Variants in LUC7L observed in about 807,000 individuals in gnomAD.
LUC7L encodes putative RNA-binding protein Luc7-like 1.
LUC7L carries 29 observed loss-of-function variants against 51.1 expected under a neutral mutation model. The ratio of observed to expected loss-of-function variants is 0.57; its 90% CI spans 0.42 to 0.77. LUC7L has a LOEUF of 0.77. Ranked by LOEUF, LUC7L falls within the 30% of genes least tolerant of loss-of-function variation. The pLI is 0.00. For synonymous variants in LUC7L, 181 were observed against 180.7 expected, an observed-to-expected ratio of 1.00 and a Z score of -0.01; for missense variants, 403 against 511.9, an observed-to-expected ratio of 0.79 and a Z score of 2.05.
At chr16:205,915 G>A in intron 5 of LUC7L, 89 bp downstream of exon 5, 2 of 1,455,548 alleles carry the variant, frequency 1.4e-6, no homozygotes, top group Non-Finnish European at 1.9e-6. Flanking sequence ...TTTAAAAAAT[G>A]GGAGCAAGCA....
intron 2 of LUC7L, 43 bp downstream of exon 2, chr16:227,199 C>T (rs1353820556): frequency 1.3e-6 from 2 of 1,522,692 alleles, no homozygotes; most frequent in African/African-American, 1.4e-5. Flanking sequence ...CTATACAGCA[C>T]TCATGTCAGA....
chr16:189,317 T>C lies in LUC7L; in HGVS notation c.997A>G (p.Arg333Gly). The C allele has an allele frequency of 1.2e-6, 2 of 1,612,218 alleles. No individual in the cohort carries two copies. The highest frequency in any genetic ancestry group is 8.5e-7 in the Non-Finnish European group (1 of 1,179,548). ...CGCCCGCTCTCCCAGGACTCCTCTC[T>C]GGATGCCCGCTCTCTGGAGAACCTG... ...KYKFSRERAS[R>G]EESWESGRSE... The change falls in exon 10 of 10, where the codon AGA (arginine) becomes GGA (glycine). Residue 333 changes from arginine (R) to glycine (G), a missense_variant. Physicochemically the swap from Arg to Gly is moderately radical, Grantham distance 125 (BLOSUM62 -2). This residue lies in a region of LUC7L where 206 missense variants were observed against 218.3 expected (regional missense o/e 0.94). Transcript: ENST00000293872.
chr16:195,155 C>T (rs960952296), intron 6 of LUC7L, among the ~76,000 whole-genome samples: 2 of 151,916 alleles, frequency 1.3e-5, no homozygotes, highest in Non-Finnish European at 2.9e-5. Context: ...AAGCCAGGTA[C>T]GGTGGCTCAT....
chr16:228,307 C>G, intron 1 of LUC7L: 1 of 1,303,708 alleles, frequency 7.7e-7, no homozygotes, highest in Non-Finnish European at 1.0e-6. Context: ...TTTGTTATAA[C>G]AGCTTAGAAA....
chr16:215,576 T>C (rs1294000801), intron 3 of LUC7L, among the ~76,000 whole-genome samples: 3 of 146,616 alleles, frequency 2.0e-5, no homozygotes, highest in African/African-American at 7.6e-5. Flanking sequence ...GCCGAGATCA[T>C]CGCGCCATTG....
At chr16:201,597 G>A (rs1007964583) in intron 5 of LUC7L, among the ~76,000 whole-genome samples, 16 of 151,976 alleles carry the variant, frequency 1.1e-4, no homozygotes, top group African/African-American at 3.4e-4. Context: ...ACGCCGCCAC[G>A]CCCGGCCAAT....
At chr16:199,336 G>T in intron 5 of LUC7L, 98 bp from the exon 6 acceptor site, 1 of 749,952 alleles carries the variant, frequency 1.3e-6, no homozygotes, top group Non-Finnish European at 2.1e-6. Flanking sequence ...TGACAGAGGT[G>T]ACTTTTAAAC....
intron 3 of LUC7L, among the ~76,000 whole-genome samples, chr16:212,818 C>T (rs1596651657): frequency 6.6e-6 from 1 of 151,648 alleles, no homozygotes; most frequent in African/African-American, 2.4e-5. Context: ...TGCTCTGTCA[C>T]CCAGGCTAGA....
At position 201,736 on chromosome 16, in the gene LUC7L, GCTTT is replaced by G. The variant is rs1343297944; in HGVS notation, c.511-2502_511-2499del. On this transcript the variant is annotated intron_variant, in intron 5 of 9. Coordinates refer to ENST00000293872, the MANE Select transcript of LUC7L (RefSeq NM_201412.3). ...TTACAGGCGTGAGCCACCGCACCAG[GCTTT>G]TTTTTTTTTTTTTTTTTTTTTGAGA... is the stretch of plus-strand genomic sequence containing the variant. Among the ~76,000 whole-genome samples, 963 of 129,868 alleles carry G rather than the reference GCTTT, an allele frequency of 7.4e-3. 14 individuals are homozygous for G. Among genetic ancestry groups the G allele is most frequent in the African/African-American group, 0.028 (925 of 33,102 alleles). The allele number at this position is 129,868 out of a possible 152,430, so 85.2% of individuals were successfully genotyped here. A position where few individuals can be genotyped will look rare whatever the true frequency, so the allele number is the denominator to read the frequency against.
chr16:219,193 AG>A (rs1167582592), intron 3 of LUC7L, among the ~76,000 whole-genome samples: 1 of 151,950 alleles, frequency 6.6e-6, no homozygotes, highest in Non-Finnish European at 1.5e-5. Context: ...GATCGAGACC[AG>A]CCTGGCCAAC....
At chr16:213,576 T>C (rs552323340) in intron 3 of LUC7L, among the ~76,000 whole-genome samples, 2 of 152,124 alleles carry the variant, frequency 1.3e-5, no homozygotes, top group East Asian at 1.9e-4. Context: ...ATTTTATTTC[T>C]GTATTTTTAT....
At chr16:190,695 C>T (rs1234560720) in intron 7 of LUC7L, 125 bp from the exon 8 acceptor site, 12 of 816,484 alleles carry the variant, frequency 1.5e-5, no homozygotes, top group Admixed American at 4.2e-5. Flanking sequence ...GCCTGGACAA[C>T]GTGGTGAAAC....
intron 2 of LUC7L, among the ~76,000 whole-genome samples, chr16:223,044 G>A (rs1477580512): frequency 1.3e-5 from 2 of 151,664 alleles, no homozygotes; most frequent in Non-Finnish European, 2.9e-5. Flanking sequence ...CTGACTCTTG[G>A]GATGCAGTCT....
At chr16:228,246 T>A (rs927767417) in intron 1 of LUC7L, 8 of 1,295,632 alleles carry the variant, frequency 6.2e-6, no homozygotes, top group Non-Finnish European at 8.1e-6. Context: ...GAAAATGTTT[T>A]CTTTCTAAAC....
chr16:220,817 G>A, intron 2 of LUC7L, 70 bp from the exon 3 acceptor site: 2 of 941,158 alleles, frequency 2.1e-6, no homozygotes, highest in Non-Finnish European at 3.4e-6. Context: ...ACGCGACTTG[G>A]TGTTTCAACT....
At chr16:204,969 T>C (rs987359651) in intron 5 of LUC7L, among the ~76,000 whole-genome samples, 46 of 152,294 alleles carry the variant, frequency 3.0e-4, no homozygotes, top group African/African-American at 1.1e-3. Context: ...CCTTCGGAGA[T>C]GATGAGTGTC....
Position 190,450 on chromosome 16 carries a change from T to C in LUC7L, c.806+91A>G, listed in dbSNP as rs755484103. On this transcript the variant is annotated intron_variant, in intron 8 of 9. Transcript: ENST00000293872. ...TCACAAGCCAGCCCTACCTGCCAGG[T>C]AACATTTGTAAAGGCATAATCATTA... The C allele has an allele frequency of 2.1e-5, 29 of 1,356,936 alleles. No individual in the cohort carries two copies. The Admixed American group carries it at 4.9e-4, about 23-fold the overall frequency. 84.1% of individuals were successfully genotyped at this position (1,356,936 alleles called of 1,614,324 possible).
intron 9 of LUC7L, 162 bp from the exon 10 acceptor site, chr16:189,501 G>C: frequency 7.1e-7 from 1 of 1,409,600 alleles, no homozygotes. Flanking sequence ...CACATATGGA[G>C]TGTTAGATAG....
chr16:199,013 GA>G (rs1567176223), intron 6 of LUC7L, 48 bp downstream of exon 6: 1 of 1,503,648 alleles, frequency 6.7e-7, no homozygotes, highest in Middle Eastern at 1.8e-4. Context: ...AAAGAAATGT[GA>G]AAACACCCCA....
Sources: gnomAD v4.1 joint callset for allele counts (sites outside exome capture counted in the v4.1 genomes callset) on GRCh38, gnomAD v4.1.1 for gene constraint, gnomAD v4.1.1 regional missense constraint, MANE v1.5 for transcripts, NCBI Gene and HGNC (gene_info 2026-07-23, HGNC 2026-07-21) for gene names.